MOV10L1: variants seen among roughly 807,000 people sequenced by gnomAD.
MOV10L1 encodes the protein Mov10 like RNA helicase 1.
In MOV10L1, 110 loss-of-function variants were observed where a neutral mutation model predicts 143.8. The observed-to-expected ratio is 0.76, with a 90% confidence interval of 0.66 to 0.90. MOV10L1 has a LOEUF of 0.90. MOV10L1 is among the 40% of genes least tolerant of loss of function. The pLI, the probability that MOV10L1 is intolerant of heterozygous loss-of-function variation, is 0.00. For missense variants in MOV10L1, 1,406 were observed against 1,526.8 expected, an observed-to-expected ratio of 0.92 and a Z score of 1.32; for synonymous variants, 593 against 581.1, an observed-to-expected ratio of 1.02 and a Z score of -0.29.
At chr22:50,134,160 AT>A in intron 14 of MOV10L1, 95 bp downstream of exon 14, 2 of 936,456 alleles carry the variant, frequency 2.1e-6, no homozygotes, top group South Asian at 3.7e-5. Context: ...TTCAGTCATA[AT>A]ATTAGAAGTA....
chr22:50,143,371 T>C, intron 17 of MOV10L1, 150 bp downstream of exon 17: 1 of 918,830 alleles, frequency 1.1e-6, no homozygotes, highest in Non-Finnish European at 1.7e-6. Flanking sequence ...AAGTCTGTTT[T>C]TGTGGATATG....
intron 22 of MOV10L1, among the ~76,000 whole-genome samples, chr22:50,154,577 TATAA>T (rs1367939369): frequency 6.6e-6 from 1 of 151,814 alleles, no homozygotes; most frequent in African/African-American, 2.4e-5. Flanking sequence ...CTAAAAACTA[TATAA>T]ATAAATATAA....
chr22:50,120,309 T>C (rs1001367553), intron 9 of MOV10L1, among the ~76,000 whole-genome samples, 193 bp from the exon 10 acceptor site: 4 of 152,098 alleles, frequency 2.6e-5, no homozygotes, highest in African/African-American at 7.2e-5. Context: ...TGGGAACTGT[T>C]TGAGGAAAGG....
chr22:50,157,327 A>G (rs1193455731), intron 22 of MOV10L1, among the ~76,000 whole-genome samples: 1 of 152,000 alleles, frequency 6.6e-6, no homozygotes, highest in Non-Finnish European at 1.5e-5. Flanking sequence ...ATGCCCAGAC[A>G]TTTTCCATTT....
At chr22:50,114,312 T>G in intron 6 of MOV10L1, 69 bp from the exon 7 acceptor site, 1 of 1,558,638 alleles carries the variant, frequency 6.4e-7, no homozygotes, top group Non-Finnish European at 8.8e-7. Context: ...AGGTTTTGTG[T>G]TTTATGATAA....
rs190699474 is a variant in MOV10L1 at position 50,142,113 on chromosome 22, T to A, written c.2103T>A (p.His701Gln). ...NRKTMTDQAE[H>Q]GTEERRVGDK... is the part of the protein sequence containing the mutation. ...AAACAATGACGGACCAAGCTGAGCA[T>A]GGAACAGAGGAGAGGCGTGTTGGTG... The change falls in exon 16 of 27, where the codon CAT becomes CAA. Residue 701 changes from histidine (H) to glutamine (Q), a missense_variant. Physicochemically the swap from His to Gln is conservative, Grantham distance 24 (BLOSUM62 0). Coordinates refer to ENST00000262794, the MANE Select transcript of MOV10L1 (RefSeq NM_018995.3). The A allele has an allele frequency of 6.2e-4, 999 of 1,612,410 alleles. 8 individuals carry two copies. In the Admixed American group the frequency reaches 0.015, roughly 24 times the overall value.
At position 50,090,500 on chromosome 22, in the gene MOV10L1, G is replaced by T. The variant is rs552522724; in HGVS notation, c.97+315G>T. ...CATGTCGTTCCTCCCTGTCCGCAGC[G>T]TCATTGGCGGTGGTGTGTCTAGAAA... On this transcript the variant is annotated intron_variant, in intron 1 of 26. Coordinates refer to ENST00000262794, the MANE Select transcript of MOV10L1 (RefSeq NM_018995.3). 7.5e-6 allele frequency: 12 copies of T among 1,609,052 alleles called. No homozygotes were observed. In the South Asian group the frequency reaches 1.3e-4, roughly 18 times the overall value.
chr22:50,154,804 GTAA>G (rs2063385785), intron 22 of MOV10L1, among the ~76,000 whole-genome samples: 2 of 152,254 alleles, frequency 1.3e-5, no homozygotes, highest in East Asian at 3.9e-4. Context: ...TCCTCATTAT[GTAA>G]TATCCTTCCA....
chr22:50,093,681 A>T (rs1315780964), intron 2 of MOV10L1: 3 of 152,062 alleles, frequency 2.0e-5, no homozygotes, highest in African/African-American at 7.2e-5. Context: ...ACTAATTTTT[A>T]AAATTTTTTT....
At chr22:50,110,362 T>TGAGGCAGGA (rs2061990376) in intron 5 of MOV10L1, among the ~76,000 whole-genome samples, 1 of 150,134 alleles carries the variant, frequency 6.7e-6, no homozygotes, top group East Asian at 2.0e-4. Flanking sequence ...GGCAGGAGAA[T>TGAGGCAGGA]GGCGTGAACC....
rs1249497005 is a variant in MOV10L1 at position 50,144,246 on chromosome 22, G to A, written c.2505+3G>A. 3 of 1,595,736 alleles carry A rather than the reference G, an allele frequency of 1.9e-6. No homozygotes were observed. The highest frequency in any genetic ancestry group is 2.6e-6 in the Non-Finnish European group (3 of 1,166,918). On this transcript the variant is annotated splice_donor_region_variant and intron_variant, in intron 18 of 26. Transcript: ENST00000262794. The stretch of plus-strand genomic sequence containing the variant: ...ACGCCACCTGCAGGTTCGAGGAGGT[G>A]AGCCCTTGGTGCAAGCAGTGGGGGG...
intron 13 of MOV10L1, among the ~76,000 whole-genome samples, chr22:50,133,136 G>C (rs1247381502): frequency 3.3e-5 from 5 of 152,298 alleles, no homozygotes; most frequent in Non-Finnish European, 5.9e-5. Flanking sequence ...TTGTGTGCCA[G>C]TGTGGAATAG....
rs1555997039 is a variant in MOV10L1 at position 50,134,314 on chromosome 22, A to AGTTC, written c.1970-216_1970-215insGTTC. 9.9e-5 allele frequency among the ~76,000 whole-genome samples: 15 copies of AGTTC among 152,012 alleles called. No homozygotes were observed. In the South Asian group the frequency reaches 3.1e-3, roughly 32 times the overall value. On this transcript the variant is annotated intron_variant, in intron 14 of 26. Transcript: ENST00000262794. ...TGCTCGCTTTTCCCTTCATAAATGTAATTTATGAATTTTTACAGATGGGCA... is the reference window on the plus strand; with the variant it reads ...TGCTCGCTTTTCCCTTCATAAATGTAGTTCATTTATGAATTTTTACAGATGGGCA...
chr22:50,142,281 A>C, intron 16 of MOV10L1, 92 bp downstream of exon 16: 1 of 988,938 alleles, frequency 1.0e-6, no homozygotes, highest in Non-Finnish European at 1.5e-6. Context: ...ATGCAGAAGG[A>C]AGAACAGTAG....
At chr22:50,131,603 T>G (rs1367602576) in intron 13 of MOV10L1, among the ~76,000 whole-genome samples, 1 of 152,140 alleles carries the variant, frequency 6.6e-6, no homozygotes, top group Non-Finnish European at 1.5e-5. Context: ...TCATTAAGCT[T>G]TGCAAATTGT....
chr22:50,122,795 T>G (rs903260978), intron 10 of MOV10L1, among the ~76,000 whole-genome samples: 1 of 107,980 alleles, frequency 9.3e-6, no homozygotes, highest in Non-Finnish European at 2.2e-5. Context: ...ATTTATTTAT[T>G]TATTTTTGAG....
chr22:50,102,197 C>G (rs1197057847), intron 3 of MOV10L1, among the ~76,000 whole-genome samples: 1 of 152,156 alleles, frequency 6.6e-6, no homozygotes, highest in Non-Finnish European at 1.5e-5. Flanking sequence ...GCTGTGAACA[C>G]AATCACAAAA....
At chr22:50,129,234 C>T (rs1027686865) in intron 13 of MOV10L1, among the ~76,000 whole-genome samples, 9 of 152,166 alleles carry the variant, frequency 5.9e-5, no homozygotes, top group Non-Finnish European at 2.9e-5. Context: ...TCACTGTCAC[C>T]GTCAGCTACC....
chr22:50,121,480 A>G (rs996108014), intron 10 of MOV10L1, among the ~76,000 whole-genome samples: 1 of 152,180 alleles, frequency 6.6e-6, no homozygotes, highest in Non-Finnish European at 1.5e-5. Context: ...ATGTTCCCCA[A>G]TGCCAGGGAA....
Sources: allele counts gnomAD v4.1 joint callset (sites outside exome capture counted in the v4.1 genomes callset), GRCh38; gene constraint gnomAD v4.1.1; transcripts MANE v1.5; gene names NCBI Gene and HGNC (gene_info 2026-07-23, HGNC 2026-07-21).